Variants in ARNT2 observed in about 807,000 individuals in gnomAD.
The protein encoded by ARNT2 is ARNT protein 2.
ARNT2 carries 36 observed loss-of-function variants against 91.7 expected under a neutral mutation model. The observed-to-expected ratio is 0.39, with a 90% CI of 0.30 to 0.52. The LOEUF (loss-of-function observed/expected upper bound fraction) is 0.52. Ranked by LOEUF, ARNT2 falls within the 20% of genes least tolerant of loss-of-function variation. ARNT2 has a pLI of 0.72. For synonymous variants in ARNT2, 365 were observed against 347.1 expected (o/e 1.05, Z -0.57); for missense variants, 775 against 939.3 (o/e 0.83, Z 2.29).
chr15:80,536,168 A>G (rs1295724300), intron 8 of ARNT2, among the ~76,000 whole-genome samples: 1 of 152,252 alleles, frequency 6.6e-6, no homozygotes, highest in Admixed American at 6.5e-5. Flanking sequence ...AGTGAGGTTA[A>G]GAGCAGAGGT....
chr15:80,448,099 G>T (rs1247031966), intron 1 of ARNT2, among the ~76,000 whole-genome samples: 1 of 152,002 alleles, frequency 6.6e-6, no homozygotes, highest in Non-Finnish European at 1.5e-5. Context: ...ACTATGTTAG[G>T]CTCATCACAT....
intron 12 of ARNT2, among the ~76,000 whole-genome samples, chr15:80,570,541 A>G (rs1431099568): frequency 6.6e-6 from 1 of 152,196 alleles, no homozygotes; most frequent in African/African-American, 2.4e-5. Context: ...AATTTCTGAA[A>G]TATCAATTTG....
chr15:80,493,420 C>A (rs1027207405), intron 5 of ARNT2, among the ~76,000 whole-genome samples: 2 of 152,128 alleles, frequency 1.3e-5, no homozygotes, highest in African/African-American at 4.8e-5. Flanking sequence ...GAGCTGCAGC[C>A]GAGGCAGCCC....
At chr15:80,415,371 C>T (rs1481738104) in intron 1 of ARNT2, among the ~76,000 whole-genome samples, 6 of 152,214 alleles carry the variant, frequency 3.9e-5, no homozygotes, top group Admixed American at 2.0e-4. Context: ...CAAACCCAGG[C>T]GTGGTTTCCG....
At chr15:80,571,146 T>A (rs1482560866) in intron 12 of ARNT2, among the ~76,000 whole-genome samples, 1 of 152,206 alleles carries the variant, frequency 6.6e-6, no homozygotes, top group Non-Finnish European at 1.5e-5. Context: ...ACATTTCAGC[T>A]CCTTAGGGGT....
Position 80,404,721 on chromosome 15 carries a change from G to T in ARNT2, c.31+175G>T, listed in dbSNP as rs1895572589. On this transcript the variant is annotated intron_variant, in intron 1 of 18. Coordinates refer to ENST00000303329, the MANE Select transcript of ARNT2 (RefSeq NM_014862.4). The surrounding 1 kb of genome is among the most constrained non-coding windows in gnomAD (Gnocchi z 5.5). ...CAGCATCAGCACCAGAGCGGCATCT[G>T]CATCCCAATCGCTGCCCATCCGGTC... Among the ~76,000 whole-genome samples, 1 of 151,940 alleles carries T rather than the reference G, an allele frequency of 6.6e-6. No homozygotes were observed. The highest frequency in any genetic ancestry group is 2.4e-5 in the African/African-American group (1 of 41,422).
chr15:80,404,584 C>A lies in ARNT2; in HGVS notation c.31+38C>A. 2.8e-6 allele frequency: 3 copies of A among 1,059,346 alleles called. No homozygotes were observed. The highest frequency in any genetic ancestry group is 7.1e-5 in the South Asian group (2 of 28,016). The allele number at this position is 1,059,346 out of a possible 1,614,324, so 65.6% of individuals were successfully genotyped here. A position where few individuals can be genotyped will look rare whatever the true frequency, so the allele number is the denominator to read the frequency against. On this transcript the variant is annotated intron_variant, in intron 1 of 18. Transcript: ENST00000303329. This position sits in a 1 kb window ranked among gnomAD's most constrained non-coding sequence, Gnocchi z 5.5. ...CTGGGCCCCGCCGCCCGCCGCAGCCCGCAGGCCTTGCCCGGGGCCGGAGCG... is the reference window on the plus strand; with the variant it reads ...CTGGGCCCCGCCGCCCGCCGCAGCCAGCAGGCCTTGCCCGGGGCCGGAGCG...
chr15:80,463,578 T>A (rs1334348980), intron 3 of ARNT2, among the ~76,000 whole-genome samples: 18 of 59,112 alleles, frequency 3.0e-4, no homozygotes, highest in Non-Finnish European at 6.8e-4. Context: ...TGATTTCCTT[T>A]TTTTTTTTTT....
intron 5 of ARNT2, among the ~76,000 whole-genome samples, chr15:80,478,568 G>A (rs528328340): frequency 3.3e-5 from 5 of 152,264 alleles, no homozygotes; most frequent in Non-Finnish European, 7.3e-5. Context: ...GGCCAAGCCC[G>A]TCTTGTCAGG....
intron 8 of ARNT2, among the ~76,000 whole-genome samples, chr15:80,526,244 C>T (rs1386090866): frequency 1.3e-5 from 2 of 152,142 alleles, no homozygotes; most frequent in Non-Finnish European, 2.9e-5. Context: ...AGGAAGAGTT[C>T]TAAAGTCAAT....
chr15:80,459,712 C>T (rs2141386693), intron 3 of ARNT2, among the ~76,000 whole-genome samples: 1 of 152,330 alleles, frequency 6.6e-6, no homozygotes, highest in South Asian at 2.1e-4. Context: ...TATCTCATGA[C>T]CGTGTCTGTG....
chr15:80,502,132 C>G (rs1056583307), intron 5 of ARNT2, among the ~76,000 whole-genome samples: 2 of 152,262 alleles, frequency 1.3e-5, no homozygotes, highest in Non-Finnish European at 2.9e-5. Context: ...GATAGGACAT[C>G]AAGAATTCTG....
chr15:80,558,107 A>G (rs1465992725), intron 11 of ARNT2, among the ~76,000 whole-genome samples: 1 of 151,560 alleles, frequency 6.6e-6, no homozygotes, highest in Non-Finnish European at 1.5e-5. Flanking sequence ...CCTTTCCTTC[A>G]CTCTTCACAT....
intron 1 of ARNT2, among the ~76,000 whole-genome samples, chr15:80,419,411 G>A (rs10431813): frequency 0.23 from 34,394 of 152,156 alleles, 4,049 homozygotes; most frequent in Non-Finnish European, 0.24. Flanking sequence ...AAAGGTGGTC[G>A]AACTGAGCCT....
At chr15:80,593,169 G>T (rs138241739) in intron 18 of ARNT2, among the ~76,000 whole-genome samples, 1 of 152,340 alleles carries the variant, frequency 6.6e-6, no homozygotes, top group East Asian at 1.9e-4. Context: ...CCTGCGCTAA[G>T]ATAAACATGG....
chr15:80,526,412 T>G (rs1211115665), intron 8 of ARNT2, among the ~76,000 whole-genome samples: 1 of 152,236 alleles, frequency 6.6e-6, no homozygotes, highest in African/African-American at 2.4e-5. Context: ...CCCAGCACCT[T>G]GAATTTCATG....
At chr15:80,481,443 C>T (rs1443565908) in intron 5 of ARNT2, among the ~76,000 whole-genome samples, 1 of 152,202 alleles carries the variant, frequency 6.6e-6, no homozygotes, top group Non-Finnish European at 1.5e-5. Context: ...GGGTGGGTGG[C>T]TCACACCTGT....
At chr15:80,536,853 A>T (rs553528776) in intron 8 of ARNT2, among the ~76,000 whole-genome samples, 1 of 152,020 alleles carries the variant, frequency 6.6e-6, no homozygotes, top group South Asian at 2.1e-4. Flanking sequence ...TGAGATTTGT[A>T]AAGGGGTAAT....
intron 1 of ARNT2, among the ~76,000 whole-genome samples, chr15:80,445,985 C>G (rs1896296938): frequency 6.6e-6 from 1 of 152,098 alleles, no homozygotes. Flanking sequence ...CAAAATGACT[C>G]TAAGTGGTGT....
Sources: gnomAD v4.1 joint callset for allele counts (sites outside exome capture counted in the v4.1 genomes callset) on GRCh38, gnomAD v4.1.1 for gene constraint, Gnocchi (gnomAD v3.1) non-coding constraint, MANE v1.5 for transcripts, NCBI Gene and HGNC (gene_info 2026-07-23, HGNC 2026-07-21) for gene names.